Variants in PRRC2B observed in about 807,000 individuals in gnomAD.
The protein encoded by PRRC2B is protein PRRC2B.
Under a neutral mutation model 242.3 loss-of-function variants are expected in PRRC2B, and 68 were observed. The ratio of observed to expected loss-of-function variants is 0.28; its 90% confidence interval spans 0.23 to 0.34. The LOEUF (loss-of-function observed/expected upper bound fraction) is 0.34, where lower values mean the gene tolerates loss of function less well. Ranked by LOEUF, PRRC2B falls within the 10% of genes least tolerant of loss-of-function variation. The probability of loss-of-function intolerance (pLI) is 1.00; values close to 1 mark genes in which losing one functional copy is unlikely to be tolerated. For synonymous variants in PRRC2B, 1,228 were observed against 1,173.6 expected (o/e 1.05, Z -0.95); for missense variants, 2,835 against 2,954.8 (o/e 0.96, Z 0.94).
rs1324762146 is a variant in PRRC2B at position 131,482,368 on chromosome 9, C to T, written c.4984-3C>T. 14 of 1,574,236 alleles carry T rather than the reference C, an allele frequency of 8.9e-6. No homozygotes were observed. In the East Asian group the frequency reaches 2.7e-4, roughly 31 times the overall value. The stretch of plus-strand genomic sequence containing the variant: ...GCTATAACCCATTTTGTGCTCTGCA[C>T]AGCAGGGTTTTAAGAGCAGCCAGGG... On this transcript the variant is annotated splice_region_variant and splice_polypyrimidine_tract_variant and intron_variant, in intron 20 of 31. Transcript: ENST00000683519. The surrounding 1 kb of genome is among the most constrained non-coding windows in gnomAD (Gnocchi z 5.2).
At chr9:131,418,508 G>A (rs1202014180) in intron 1 of PRRC2B, among the ~76,000 whole-genome samples, 1 of 152,190 alleles carries the variant, frequency 6.6e-6, no homozygotes, top group Non-Finnish European at 1.5e-5. Context: ...TTAGGAAGGT[G>A]GGGAGGAATG....
intron 1 of PRRC2B, among the ~76,000 whole-genome samples, chr9:131,408,608 A>G (rs767139000): frequency 6.6e-6 from 1 of 152,254 alleles, no homozygotes; most frequent in Non-Finnish European, 1.5e-5. Context: ...CTGCATTTGT[A>G]GAGAAGACCA....
chr9:131,458,362 ATCAAGAGTG>A (rs1943143075), intron 10 of PRRC2B, among the ~76,000 whole-genome samples: 1 of 152,134 alleles, frequency 6.6e-6, no homozygotes, highest in Non-Finnish European at 1.5e-5. Flanking sequence ...GACTTTTTAA[ATCAAGAGTG>A]TCCAATCTTT....
chr9:131,493,968 A>G (rs1415129314), intron 30 of PRRC2B, among the ~76,000 whole-genome samples: 2 of 152,086 alleles, frequency 1.3e-5, no homozygotes, highest in Non-Finnish European at 2.9e-5. Context: ...TGGTTCCCCC[A>G]TCCCCTTTTC....
At chr9:131,459,909 G>A (rs1943193098) in intron 11 of PRRC2B, among the ~76,000 whole-genome samples, 1 of 148,100 alleles carries the variant, frequency 6.8e-6, no homozygotes, top group Admixed American at 6.8e-5. Flanking sequence ...GCTGAGGCAG[G>A]GGGATTGCTT....
chr9:131,436,839 A>G, intron 4 of PRRC2B, 117 bp downstream of exon 4: 4 of 772,698 alleles, frequency 5.2e-6, no homozygotes, highest in Non-Finnish European at 8.5e-6. Flanking sequence ...TGACCTGTCT[A>G]TTCCAGAGGC....
At chr9:131,434,614 C>T (rs1838283298) in intron 3 of PRRC2B, among the ~76,000 whole-genome samples, 1 of 152,214 alleles carries the variant, frequency 6.6e-6, no homozygotes, top group Admixed American at 6.5e-5. Flanking sequence ...CAGTAGCCTT[C>T]TGTTTGTAAT....
intron 15 of PRRC2B, among the ~76,000 whole-genome samples, chr9:131,474,029 T>C (rs1943617184): frequency 6.6e-6 from 1 of 152,192 alleles, no homozygotes; most frequent in Non-Finnish European, 1.5e-5. Flanking sequence ...GCATGGGTCT[T>C]GGCTCATTTC....
chr9:131,416,180 C>T (rs982739465), intron 1 of PRRC2B, among the ~76,000 whole-genome samples: 2 of 151,974 alleles, frequency 1.3e-5, no homozygotes, highest in African/African-American at 4.8e-5. Context: ...GCCATCTCGG[C>T]TCACTGCAAC....
intron 1 of PRRC2B, among the ~76,000 whole-genome samples, chr9:131,414,022 A>G (rs1420588210): frequency 6.6e-6 from 1 of 152,194 alleles, no homozygotes; most frequent in Non-Finnish European, 1.5e-5. Flanking sequence ...ATCCTACCAA[A>G]TATCCAGACT....
chr9:131,432,723 C>T lies in PRRC2B; in HGVS notation c.222C>T (p.Asp74=), dbSNP rs560118080. ...PSLKSENKGN[D]PNIVIVPKDG... Reference sequence around the variant, plus strand: ...TGAAGTCTGAAAACAAAGGAAACGACCCCAACATCGTGATAGTACCCAAGG... The same window carrying T: ...TGAAGTCTGAAAACAAAGGAAACGATCCCAACATCGTGATAGTACCCAAGG... Residue 74 remains aspartate, a synonymous_variant, in exon 3 of 32, where the codon GAC becomes GAT. Coordinates refer to ENST00000683519, the MANE Select transcript of PRRC2B (RefSeq NM_013318.4). 7 of 1,614,032 alleles carry T rather than the reference C, an allele frequency of 4.3e-6. No homozygotes were observed. Among genetic ancestry groups the T allele is most frequent in the East Asian group, 2.2e-5 (1 of 44,882 alleles).
At position 131,473,810 on chromosome 9, in the gene PRRC2B, C is replaced by T. The variant is rs556046673; in HGVS notation, c.2324+86C>T. 5.0e-6 allele frequency: 5 copies of T among 997,268 alleles called. No individual in the cohort carries two copies. In the East Asian group the frequency reaches 1.3e-4, roughly 26 times the overall value. The allele number at this position is 997,268 out of a possible 1,614,324, so 61.8% of individuals were successfully genotyped here. A position where few individuals can be genotyped will look rare whatever the true frequency, so the allele number is the denominator to read the frequency against. ...GAGGGCCCTGGGATGAGCTACCATC[C>T]TAGGAGACACTGCCCACGGGAGACG... On this transcript the variant is annotated intron_variant, in intron 15 of 31. Transcript: ENST00000683519.
intron 1 of PRRC2B, among the ~76,000 whole-genome samples, chr9:131,409,237 G>A (rs748226544): frequency 2.0e-5 from 3 of 152,128 alleles, no homozygotes; most frequent in Non-Finnish European, 4.4e-5. Flanking sequence ...GGTCAGGCTG[G>A]TCTCGAACTC....
At chr9:131,424,092 C>T (rs1196742082) in intron 1 of PRRC2B, among the ~76,000 whole-genome samples, 1 of 152,186 alleles carries the variant, frequency 6.6e-6, no homozygotes, top group Admixed American at 6.5e-5. Context: ...TGCATCACCA[C>T]GCCCAGCTAA....
At chr9:131,448,557 A>C (rs1424471107) in intron 9 of PRRC2B, among the ~76,000 whole-genome samples, 1 of 143,150 alleles carries the variant, frequency 7.0e-6, no homozygotes, top group Non-Finnish European at 1.5e-5. Context: ...AAAAAAAAAA[A>C]AAAAAAAAAA....
intron 1 of PRRC2B, among the ~76,000 whole-genome samples, chr9:131,397,133 C>G (rs1038589034): frequency 6.6e-6 from 1 of 152,210 alleles, no homozygotes; most frequent in Non-Finnish European, 1.5e-5. Flanking sequence ...TGACTTCACT[C>G]GGGCCCAGTC....
In PRRC2B at chr9:131,476,108, G is replaced by A. The variant is rs1325672842; in HGVS notation, c.3979G>A (p.Gly1327Arg). ...AGAGCGGGAGTCCCTGGGCCTGTGG[G>A]GACCCGAGGAGGAGCCCCACCTGCT... ...RQERESLGLWGPEEEPHLLAG... is the reference protein window; with the variant it reads ...RQERESLGLWRPEEEPHLLAG... The change falls in exon 16 of 32, where the codon GGA (glycine) becomes AGA (arginine). Residue 1327 changes from glycine to arginine, a missense_variant. Gly to Arg is a moderately radical substitution (Grantham distance 125). Transcript: ENST00000683519. 2 of 1,609,648 alleles carry A rather than the reference G, an allele frequency of 1.2e-6. No homozygotes were observed. Among genetic ancestry groups the A allele is most frequent in the South Asian group, 1.1e-5 (1 of 90,994 alleles).
chr9:131,404,954 G>A (rs966277119), intron 1 of PRRC2B, among the ~76,000 whole-genome samples: 2 of 152,196 alleles, frequency 1.3e-5, no homozygotes, highest in African/African-American at 2.4e-5. Flanking sequence ...CTCTTCAACT[G>A]AATAGCTTTT....
At chr9:131,436,523 C>G in intron 3 of PRRC2B, 97 bp from the exon 4 acceptor site, 1 of 907,372 alleles carries the variant, frequency 1.1e-6, no homozygotes, top group Non-Finnish European at 1.7e-6. Context: ...AGGTCTGCTT[C>G]CTGTGAGCAG....
Sources: gnomAD v4.1 joint callset for allele counts (sites outside exome capture counted in the v4.1 genomes callset) on GRCh38, gnomAD v4.1.1 for gene constraint, Gnocchi (gnomAD v3.1) non-coding constraint, MANE v1.5 for transcripts, NCBI Gene and HGNC (gene_info 2026-07-23, HGNC 2026-07-21) for gene names.